CDIN1: variants seen among roughly 807,000 people sequenced by gnomAD.
CDIN1 encodes CDAN1-interacting nuclease 1.
In CDIN1, 33 loss-of-function variants were observed where a neutral mutation model predicts 45.3. That is an observed-to-expected ratio of 0.73 (90% CI 0.55 to 0.97). The LOEUF (loss-of-function observed/expected upper bound fraction) is 0.97. Ranked by LOEUF, CDIN1 falls within the 50% of genes least tolerant of loss-of-function variation. The probability of loss-of-function intolerance (pLI) is 0.00; values close to 1 mark genes in which losing one functional copy is unlikely to be tolerated. For missense variants in CDIN1, 303 were observed against 339.4 expected, an observed-to-expected ratio of 0.89 and a Z score of 0.84; for synonymous variants, 118 against 124.4, an observed-to-expected ratio of 0.95 and a Z score of 0.34.
intron 5 of CDIN1, 103 bp from the exon 6 acceptor site, chr15:36,691,582 T>C: frequency 1.5e-6 from 1 of 674,592 alleles, no homozygotes; most frequent in East Asian, 2.9e-5. Context: ...CCAGTCATAT[T>C]TTTGTTTTCA....
intron 10 of CDIN1, among the ~76,000 whole-genome samples, chr15:36,789,434 A>T (rs139801200): frequency 0.012 from 1,809 of 152,250 alleles, 32 homozygotes; most frequent in African/African-American, 0.042. Context: ...CAATATATAT[A>T]CTCTAAATCT....
intron 1 of CDIN1, among the ~76,000 whole-genome samples, chr15:36,620,242 C>G (rs1308246404): frequency 6.6e-6 from 1 of 151,854 alleles, no homozygotes; most frequent in Non-Finnish European, 1.5e-5. Flanking sequence ...GCCCAGCTAC[C>G]CGGGAGGCTG....
At chr15:36,802,041 T>G (rs1465343020) in intron 10 of CDIN1, among the ~76,000 whole-genome samples, 1 of 152,094 alleles carries the variant, frequency 6.6e-6, no homozygotes, top group Non-Finnish European at 1.5e-5. Flanking sequence ...TAGTAAATAT[T>G]TTTCAGAGTC....
At position 36,641,612 on chromosome 15, in the gene CDIN1, A is replaced by C. The variant is rs1306554328; in HGVS notation, c.102-2666A>C. 5 of 152,294 alleles carry C rather than the reference A, an allele frequency of 3.3e-5. No homozygotes were observed. In the East Asian group the frequency reaches 9.6e-4, roughly 29 times the overall value. The allele number at this position is 152,294 out of a possible 1,614,324, so 9.4% of individuals were successfully genotyped here. A position where few individuals can be genotyped will look rare whatever the true frequency, so the allele number is the denominator to read the frequency against. ...AAATGACTGCCTTTTTGATTATGTA[A>C]ATTTAAAACCCCATATATGCTAAGT... On this transcript the variant is annotated intron_variant, in intron 1 of 10. Coordinates refer to ENST00000566621, the MANE Select transcript of CDIN1 (RefSeq NM_001321759.2).
At chr15:36,775,769 AAT>A (rs2054203387) in intron 10 of CDIN1, among the ~76,000 whole-genome samples, 3 of 152,324 alleles carry the variant, frequency 2.0e-5, no homozygotes, top group Admixed American at 2.0e-4. Context: ...TAAATGTATA[AAT>A]ATGATATTTC....
At chr15:36,691,486 A>G (rs2042248833) in intron 5 of CDIN1, among the ~76,000 whole-genome samples, 199 bp from the exon 6 acceptor site, 1 of 151,910 alleles carries the variant, frequency 6.6e-6, no homozygotes, top group Non-Finnish European at 1.5e-5. Flanking sequence ...TCATCATCAA[A>G]TCTGGTAGTG....
chr15:36,778,984 T>TG (rs1264156317), intron 10 of CDIN1, among the ~76,000 whole-genome samples: 1 of 152,166 alleles, frequency 6.6e-6, no homozygotes, highest in African/African-American at 2.4e-5. Context: ...CGAGTAAGAC[T>TG]GGGGGGAGAT....
intron 1 of CDIN1, among the ~76,000 whole-genome samples, chr15:36,582,620 T>A (rs1435188150): frequency 6.6e-6 from 1 of 152,204 alleles, no homozygotes; most frequent in African/African-American, 2.4e-5. Context: ...TTTATAAAAA[T>A]AGTCGTGTTG....
intron 1 of CDIN1, among the ~76,000 whole-genome samples, chr15:36,580,968 T>C (rs138614868): frequency 1.3e-5 from 2 of 152,342 alleles, no homozygotes; most frequent in Non-Finnish European, 2.9e-5. Context: ...AGCATAAGTT[T>C]AAGTTCTGTT....
chr15:36,719,336 G>T (rs570521362), intron 10 of CDIN1, among the ~76,000 whole-genome samples: 1 of 152,210 alleles, frequency 6.6e-6, no homozygotes, highest in South Asian at 2.1e-4. Context: ...TCAAAAATTG[G>T]TGTTGGATTT....
At position 36,761,981 on chromosome 15, in the gene CDIN1, C is replaced by T. The variant is rs540325708; in HGVS notation, c.717-46343C>T. On this transcript the variant is annotated intron_variant, in intron 10 of 10. Coordinates refer to ENST00000566621, the MANE Select transcript of CDIN1 (RefSeq NM_001321759.2). ...TTGTATACTGAAATGGGGTTATAAA[C>T]GGTGTTAAGCTCACAGGCTGGCCCC... 5.9e-5 allele frequency among the ~76,000 whole-genome samples: 9 copies of T among 152,230 alleles called. No homozygotes were observed. The South Asian group carries it at 1.0e-3, about 18-fold the overall frequency.
chr15:36,791,076 G>T (rs1595603007), intron 10 of CDIN1, among the ~76,000 whole-genome samples: 1 of 152,042 alleles, frequency 6.6e-6, no homozygotes, highest in Non-Finnish European at 1.5e-5. Flanking sequence ...ATTTACAATG[G>T]CCCTCTTTCT....
intron 1 of CDIN1, among the ~76,000 whole-genome samples, chr15:36,616,577 A>G (rs919602554): frequency 9.2e-5 from 14 of 152,050 alleles, no homozygotes; most frequent in African/African-American, 3.1e-4. Flanking sequence ...TCTAGTCTGC[A>G]TAGAGTAATA....
intron 1 of CDIN1, among the ~76,000 whole-genome samples, chr15:36,590,507 GC>G (rs1290554381): frequency 6.6e-6 from 1 of 152,098 alleles, no homozygotes; most frequent in East Asian, 1.9e-4. Context: ...CCAAACACCG[GC>G]CCCTGCTAAT....
At chr15:36,665,449 T>C (rs1015420555) in intron 5 of CDIN1, among the ~76,000 whole-genome samples, 3 of 152,238 alleles carry the variant, frequency 2.0e-5, no homozygotes, top group African/African-American at 2.4e-5. Flanking sequence ...CTGCTTACTA[T>C]AGAAAACCTT....
rs1260490991 is a variant in CDIN1 at position 36,794,178 on chromosome 15, C to T, written c.717-14146C>T. Among the ~76,000 whole-genome samples, 4 of 151,604 alleles carry T rather than the reference C, an allele frequency of 2.6e-5. No individual in the cohort carries two copies. In the South Asian group the frequency reaches 6.3e-4, roughly 24 times the overall value. The stretch of plus-strand genomic sequence containing the variant: ...GGTTCACTCCATTCTCCTGCCTCAG[C>T]CTCCCGAGTAGCTGGGACTACAGGC... On this transcript the variant is annotated intron_variant, in intron 10 of 10. Coordinates refer to ENST00000566621, the MANE Select transcript of CDIN1 (RefSeq NM_001321759.2).
chr15:36,762,386 T>C (rs2053789389), intron 10 of CDIN1, among the ~76,000 whole-genome samples: 1 of 152,220 alleles, frequency 6.6e-6, no homozygotes, highest in South Asian at 2.1e-4. Flanking sequence ...TTTATAAAAA[T>C]GGCTATTCTG....
At chr15:36,748,632 T>G (rs2053365404) in intron 10 of CDIN1, among the ~76,000 whole-genome samples, 1 of 152,164 alleles carries the variant, frequency 6.6e-6, no homozygotes, top group African/African-American at 2.4e-5. Context: ...AGATATTTTT[T>G]CCATTTTAGA....
At chr15:36,716,724 C>A (rs564517442) in intron 10 of CDIN1, among the ~76,000 whole-genome samples, 1 of 152,152 alleles carries the variant, frequency 6.6e-6, no homozygotes, top group Non-Finnish European at 1.5e-5. Context: ...CTCTTCTTTA[C>A]CGAGCCTCAA....
Sources: gnomAD v4.1 joint callset for allele counts (sites outside exome capture counted in the v4.1 genomes callset) on GRCh38, gnomAD v4.1.1 for gene constraint, MANE v1.5 for transcripts, NCBI Gene and HGNC (gene_info 2026-07-23, HGNC 2026-07-21) for gene names.